The following PRKD1 variants were observed in gnomAD, a reference collection of about 807,000 sequenced individuals.
PRKD1 encodes the protein protein kinase D1.
In PRKD1, 63 loss-of-function variants were observed where a neutral mutation model predicts 95.9. The observed-to-expected ratio is 0.66, with a 90% CI of 0.54 to 0.81. PRKD1 has a LOEUF of 0.81. Ranked by LOEUF, PRKD1 falls within the 30% of genes least tolerant of loss-of-function variation. PRKD1 has a pLI of 0.00. For synonymous variants in PRKD1, 425 were observed against 423.1 expected, an observed-to-expected ratio of 1.00 and a Z score of -0.05; for missense variants, 1,048 against 1,165.3, an observed-to-expected ratio of 0.90 and a Z score of 1.47.
intron 13 of PRKD1, among the ~76,000 whole-genome samples, chr14:29,622,263 T>A (rs987982391): frequency 6.6e-6 from 1 of 152,036 alleles, no homozygotes. Context: ...TCGGCCCAGT[T>A]CCTAACAGGC....
At chr14:29,764,467 G>T (rs1046879674) in intron 1 of PRKD1, among the ~76,000 whole-genome samples, 1 of 152,142 alleles carries the variant, frequency 6.6e-6, no homozygotes, top group Non-Finnish European at 1.5e-5. Flanking sequence ...CTAAGACTGG[G>T]TAATTTATAA....
intron 1 of PRKD1, among the ~76,000 whole-genome samples, chr14:29,863,612 G>C (rs181194756): frequency 1.2e-4 from 18 of 152,160 alleles, no homozygotes. Context: ...TATCTCCTCT[G>C]ATCACAAAGT....
chr14:29,720,010 TAAA>T (rs1885808587), intron 2 of PRKD1, among the ~76,000 whole-genome samples: 1 of 152,226 alleles, frequency 6.6e-6, no homozygotes, highest in African/African-American at 2.4e-5. Context: ...ATAATTCCTT[TAAA>T]GTTGTTTAGC....
At chr14:29,863,448 T>C (rs558527111) in intron 1 of PRKD1, among the ~76,000 whole-genome samples, 2 of 152,158 alleles carry the variant, frequency 1.3e-5, no homozygotes, top group African/African-American at 4.8e-5. Context: ...TTCAGTTCTA[T>C]TGTCTGTTCT....
intron 1 of PRKD1, among the ~76,000 whole-genome samples, chr14:29,872,788 T>G (rs995450482): frequency 1.3e-5 from 2 of 152,070 alleles, no homozygotes; most frequent in Non-Finnish European, 2.9e-5. Context: ...AACAGAAACA[T>G]ATTCAAGAAA....
At chr14:29,608,959 T>C (rs1475407457) in intron 13 of PRKD1, among the ~76,000 whole-genome samples, 1 of 152,236 alleles carries the variant, frequency 6.6e-6, no homozygotes. Context: ...TATGTTAATA[T>C]GTACTGTCAG....
chr14:29,837,059 A>T (rs1891637147), intron 1 of PRKD1, among the ~76,000 whole-genome samples: 1 of 152,140 alleles, frequency 6.6e-6, no homozygotes, highest in Non-Finnish European at 1.5e-5. Flanking sequence ...AGACATCTTT[A>T]TATCTATGGC....
intron 13 of PRKD1, among the ~76,000 whole-genome samples, chr14:29,619,312 G>C (rs1345698571): frequency 6.6e-6 from 1 of 152,078 alleles, no homozygotes. Flanking sequence ...TTTTTGCAGA[G>C]CAAACACACA....
rs542943814 is a variant in PRKD1 at position 29,656,393 on chromosome 14, C to T, written c.696+7306G>A. 4.4e-6 allele frequency: 6 copies of T among 1,349,324 alleles called. No homozygotes were observed. The East Asian group carries it at 1.0e-4, about 22-fold the overall frequency. 83.6% of individuals were successfully genotyped at this position (1,349,324 alleles called of 1,614,324 possible). A position where few individuals can be genotyped will look rare whatever the true frequency, so the allele number is the denominator to read the frequency against. On this transcript the variant is annotated intron_variant, in intron 4 of 17. Transcript: ENST00000331968. ...ATTATTCTCATAAAGTCAGTACAGACAATTGTCTGATGTCAGCGTAATATG... is the reference window on the plus strand; with the variant it reads ...ATTATTCTCATAAAGTCAGTACAGATAATTGTCTGATGTCAGCGTAATATG...
At chr14:29,743,666 G>A (rs1363467110) in intron 1 of PRKD1, among the ~76,000 whole-genome samples, 1 of 152,166 alleles carries the variant, frequency 6.6e-6, no homozygotes, top group African/African-American at 2.4e-5. Flanking sequence ...CGCCTCACAA[G>A]AAGGATCTGA....
rs147308040 is a variant in PRKD1, at chr14:29,676,177, G to GTTTTTTTTTTTTTTTTTTTTTTTTTTTT, written c.404-9970_404-9969insAAAAAAAAAAAAAAAAAAAAAAAAAAAA. Among the ~76,000 whole-genome samples the GTTTTTTTTTTTTTTTTTTTTTTTTTTTT allele has an allele frequency of 2.6e-4, 27 of 104,742 alleles. 3 individuals carry two copies. Among genetic ancestry groups the GTTTTTTTTTTTTTTTTTTTTTTTTTTTT allele is most frequent in the African/African-American group, 5.9e-4 (14 of 23,880 alleles). The allele number at this position is 104,742 out of a possible 152,430, so 68.7% of individuals were successfully genotyped here. A position where few individuals can be genotyped will look rare whatever the true frequency, so the allele number is the denominator to read the frequency against. On this transcript the variant is annotated intron_variant, in intron 2 of 17. Coordinates refer to ENST00000331968, the MANE Select transcript of PRKD1 (RefSeq NM_002742.3). ...GCTGTAGGCATGCATAGTTCATTAC[G>GTTTTTTTTTTTTTTTTTTTTTTTTTTTT]TTTTTGTTTTTTTTTTTTTTTTTTT... is the stretch of plus-strand genomic sequence containing the variant.
intron 1 of PRKD1, among the ~76,000 whole-genome samples, chr14:29,881,116 G>A (rs1893495805): frequency 6.6e-6 from 1 of 152,168 alleles, no homozygotes; most frequent in Admixed American, 6.5e-5. Context: ...GAGGGGCCAG[G>A]GGTGGAATGA....
chr14:29,920,112 G>A (rs1895048603), intron 1 of PRKD1, among the ~76,000 whole-genome samples: 1 of 150,944 alleles, frequency 6.6e-6, no homozygotes, highest in Non-Finnish European at 1.5e-5. Context: ...AAGGAAGAAA[G>A]GGGAGAAAGA....
intron 1 of PRKD1, among the ~76,000 whole-genome samples, chr14:29,855,650 G>A (rs1393747711): frequency 6.6e-6 from 1 of 152,168 alleles, no homozygotes; most frequent in Non-Finnish European, 1.5e-5. Flanking sequence ...GAATGATATG[G>A]TTGGGCTCAG....
At chr14:29,725,392 T>C in intron 2 of PRKD1, 144 bp downstream of exon 2, 1 of 1,005,068 alleles carries the variant, frequency 9.9e-7, no homozygotes, top group Non-Finnish European at 1.4e-6. Context: ...TGTTTCCCTT[T>C]TTCATGTGGA....
At chr14:29,820,343 A>G (rs1890863739) in intron 1 of PRKD1, among the ~76,000 whole-genome samples, 1 of 152,230 alleles carries the variant, frequency 6.6e-6, no homozygotes, top group African/African-American at 2.4e-5. Context: ...AAAAGCACAT[A>G]CATTCTGTAA....
intron 1 of PRKD1, among the ~76,000 whole-genome samples, chr14:29,867,875 C>A (rs558742195): frequency 3.1e-4 from 47 of 152,202 alleles, no homozygotes; most frequent in Admixed American, 2.5e-3. Context: ...AATACTTAGT[C>A]TGTGTTTTAA....
chr14:29,649,928 C>T (rs1301130496), intron 4 of PRKD1, among the ~76,000 whole-genome samples: 2 of 152,176 alleles, frequency 1.3e-5, no homozygotes, highest in Non-Finnish European at 2.9e-5. Flanking sequence ...ACAGCCTCTA[C>T]TAAGAGACCT....
intron 1 of PRKD1, among the ~76,000 whole-genome samples, chr14:29,890,978 AT>A (rs768604497): frequency 7.2e-5 from 11 of 152,186 alleles, no homozygotes; most frequent in Non-Finnish European, 5.9e-5. Context: ...TGCATTTAAC[AT>A]AAAATATACC....
Sources: gnomAD v4.1 joint callset for allele counts (sites outside exome capture counted in the v4.1 genomes callset) on GRCh38, gnomAD v4.1.1 for gene constraint, MANE v1.5 for transcripts, NCBI Gene and HGNC (gene_info 2026-07-23, HGNC 2026-07-21) for gene names.